ANK2: variants seen among roughly 807,000 people sequenced by gnomAD.
The protein encoded by ANK2 is ankyrin 2.
A neutral mutation model predicts 360.5 loss-of-function variants in ANK2; 83 were observed. That is an observed-to-expected ratio of 0.23 (90% CI 0.19 to 0.28). The LOEUF (loss-of-function observed/expected upper bound fraction) is 0.28, where lower values mean the gene tolerates loss of function less well. Among genes scored for constraint, ANK2 ranks in the 10% least tolerant of loss-of-function variants. The probability of loss-of-function intolerance (pLI) is 1.00; values close to 1 mark genes in which losing one functional copy is unlikely to be tolerated. For missense variants in ANK2, 4,201 were observed against 4,795.7 expected, an observed-to-expected ratio of 0.88 and a Z score of 3.66; for synonymous variants, 1,740 against 1,759.5, an observed-to-expected ratio of 0.99 and a Z score of 0.28.
chr4:113,213,083 T>G (rs527823331), intron 4 of ANK2, among the ~76,000 whole-genome samples: 1 of 152,332 alleles, frequency 6.6e-6, no homozygotes, highest in South Asian at 2.1e-4. Flanking sequence ...GGAAAAAGAA[T>G]GAAGATTCTC....
the ANK2 span, among the ~76,000 whole-genome samples, chr4:112,728,989 A>G: frequency 1.9e-4 from 29 of 152,062 alleles, no homozygotes; most frequent in Non-Finnish European, 8.8e-5. Flanking sequence ...GTAGGTCTAC[A>G]TCAGCCCAGG....
chr4:113,023,850 TG>T (rs774972418), intron 2 of ANK2, among the ~76,000 whole-genome samples: 1 of 152,204 alleles, frequency 6.6e-6, no homozygotes, highest in African/African-American at 2.4e-5. Flanking sequence ...ATAATTTTTT[TG>T]ATTTAATCGT....
chr4:112,914,484 G>A (rs770384996), intron 2 of ANK2, among the ~76,000 whole-genome samples: 4 of 152,100 alleles, frequency 2.6e-5, no homozygotes, highest in Admixed American at 1.3e-4. Flanking sequence ...TTAGCCGGGC[G>A]TGGTGGCACA....
rs74581176 is a variant in ANK2, at chr4:113,164,502, G to A, written c.85-9914G>A. On this transcript the variant is annotated intron_variant, in intron 1 of 45. Coordinates refer to ENST00000357077, the MANE Select transcript of ANK2 (RefSeq NM_001148.6). ...TTAGTGTGTGCAGCCCTTGGGGTGC[G>A]GTCAGCACCTCATCTGTGTTGTGTC... Among the ~76,000 whole-genome samples the A allele has an allele frequency of 1.9e-3, 292 of 152,220 alleles. 10 individuals carry two copies. In the East Asian group the frequency reaches 0.049, roughly 26 times the overall value.
chr4:112,777,172 C>T, the ANK2 span, among the ~76,000 whole-genome samples: 1 of 152,142 alleles, frequency 6.6e-6, no homozygotes, highest in Non-Finnish European at 1.5e-5. Context: ...GGGCAATATA[C>T]GTATGTAAGG....
chr4:112,985,089 A>T (rs191538092), intron 2 of ANK2, among the ~76,000 whole-genome samples: 61 of 152,316 alleles, frequency 4.0e-4, no homozygotes, highest in Middle Eastern at 3.4e-3. Context: ...GTCATTCAAA[A>T]CTGGACTGTC....
At chr4:112,707,896 A>G in the ANK2 span, among the ~76,000 whole-genome samples, 1 of 152,242 alleles carries the variant, frequency 6.6e-6, no homozygotes, top group African/African-American at 2.4e-5. Flanking sequence ...GTAAAATGAC[A>G]TAGTGCTGCA....
intron 1 of ANK2, among the ~76,000 whole-genome samples, chr4:113,167,872 T>C (rs2097803033): frequency 6.6e-6 from 1 of 152,228 alleles, no homozygotes; most frequent in South Asian, 2.1e-4. Flanking sequence ...TTTTTGTGTC[T>C]GACTTGTTTT....
chr4:112,822,238 TA>T (rs1211981767), intron 1 of ANK2, among the ~76,000 whole-genome samples: 2,929 of 88,506 alleles, frequency 0.033, 100 homozygotes, highest in African/African-American at 0.094. Context: ...CTGTCTCTAC[TA>T]AAAAAAAAAA....
intron 1 of ANK2, among the ~76,000 whole-genome samples, chr4:113,136,093 GT>G (rs1470355762): frequency 2.0e-5 from 3 of 152,030 alleles, no homozygotes; most frequent in East Asian, 1.9e-4. Flanking sequence ...TGTGAAGGAA[GT>G]TTTTTTTATT....
chr4:113,138,610 A>G (rs561506025), intron 1 of ANK2, among the ~76,000 whole-genome samples: 1 of 152,242 alleles, frequency 6.6e-6, no homozygotes, highest in Admixed American at 6.5e-5. Flanking sequence ...TTAATTTCAA[A>G]TGTCATATGT....
At chr4:112,758,191 C>T in the ANK2 span, among the ~76,000 whole-genome samples, 12 of 152,058 alleles carry the variant, frequency 7.9e-5, no homozygotes, top group African/African-American at 2.9e-4. Context: ...TGAGCCACCG[C>T]GTCCGGCCAA....
At chr4:113,305,095 C>T (rs2076599466) in intron 23 of ANK2, among the ~76,000 whole-genome samples, 1 of 151,714 alleles carries the variant, frequency 6.6e-6, no homozygotes, top group African/African-American at 2.4e-5. Flanking sequence ...AATCCCAGCA[C>T]TTTGGGAGGC....
intron 4 of ANK2, among the ~76,000 whole-genome samples, chr4:113,229,983 C>A (rs1451615091): frequency 6.6e-6 from 1 of 152,100 alleles, no homozygotes; most frequent in East Asian, 1.9e-4. Flanking sequence ...CATTCCACAC[C>A]CACTCATTGT....
chr4:112,884,424 A>G (rs1176063084), intron 1 of ANK2, among the ~76,000 whole-genome samples: 1 of 152,264 alleles, frequency 6.6e-6, no homozygotes, highest in Non-Finnish European at 1.5e-5. Flanking sequence ...GTTGTGTTCC[A>G]ATAAAACTTT....
At chr4:112,860,956 G>A (rs2067814372) in intron 1 of ANK2, among the ~76,000 whole-genome samples, 1 of 152,172 alleles carries the variant, frequency 6.6e-6, no homozygotes, top group Non-Finnish European at 1.5e-5. Context: ...CCTCAGGGAA[G>A]GTAGTTAAAG....
At chr4:113,146,115 G>A in intron 1 of ANK2, 2 of 1,167,944 alleles carry the variant, frequency 1.7e-6, no homozygotes, top group Non-Finnish European at 2.2e-6. Context: ...ACAGAATAAA[G>A]CCAATGTGAT....
intron 17 of ANK2, among the ~76,000 whole-genome samples, chr4:113,281,207 C>T (rs187733413): frequency 1.6e-4 from 25 of 152,216 alleles, no homozygotes; most frequent in African/African-American, 5.8e-4. Context: ...TTTTTTGGTA[C>T]ACTTTGCAGT....
In ANK2 at chr4:113,237,206, C is replaced by T. The variant is rs747917665; in HGVS notation, c.669+34C>T. On this transcript the variant is annotated intron_variant, in intron 6 of 45. Transcript: ENST00000357077. ...AGCTGAACACATTTGTGGAAAGGAA[C>T]TCTTTGGCTGCCAGACTCCTCCTGG... is the stretch of plus-strand genomic sequence containing the variant. 11 of 1,598,664 alleles carry T rather than the reference C, an allele frequency of 6.9e-6. No homozygotes were observed. The South Asian group carries it at 8.8e-5, about 13-fold the overall frequency.
Sources: allele counts gnomAD v4.1 joint callset (sites outside exome capture counted in the v4.1 genomes callset), GRCh38; gene constraint gnomAD v4.1.1; transcripts MANE v1.5; gene names NCBI Gene and HGNC (gene_info 2026-07-23, HGNC 2026-07-21).